The following CADPS variants were observed in gnomAD, a reference collection of about 807,000 sequenced individuals.
CADPS encodes the protein calcium-dependent secretion activator 1.
In CADPS, 57 loss-of-function variants were observed where a neutral mutation model predicts 167.3. The ratio of observed to expected loss-of-function variants is 0.34; its 90% CI spans 0.28 to 0.42. The LOEUF (loss-of-function observed/expected upper bound fraction) is 0.42, where lower values mean the gene tolerates loss of function less well. CADPS is among the 20% of genes least tolerant of loss of function. CADPS has a pLI of 1.00. For missense variants in CADPS, 1,414 were observed against 1,738.1 expected (o/e 0.81, Z 3.32); for synonymous variants, 676 against 635.3 (o/e 1.06, Z -0.96).
chr3:62,533,086 C>A (rs1421009366), intron 12 of CADPS, 28 bp from the exon 13 acceptor site: 2 of 1,592,012 alleles, frequency 1.3e-6, no homozygotes, highest in South Asian at 1.1e-5. Flanking sequence ...GAGAGACTTT[C>A]TTTTAAATAC....
intron 6 of CADPS, 22 bp downstream of exon 6, chr3:62,645,700 A>T (rs1176254299): frequency 6.2e-7 from 1 of 1,613,186 alleles, no homozygotes; most frequent in Admixed American, 1.7e-5. Flanking sequence ...TATAAGATGG[A>T]CCCTGGAGAA....
At chr3:62,735,882 G>T (rs1433637620) in intron 3 of CADPS, among the ~76,000 whole-genome samples, 1 of 152,166 alleles carries the variant, frequency 6.6e-6, no homozygotes, top group Non-Finnish European at 1.5e-5. Flanking sequence ...AGAACTACTA[G>T]CTCAGGCTTT....
intron 6 of CADPS, among the ~76,000 whole-genome samples, chr3:62,609,752 A>T (rs558823407): frequency 6.6e-6 from 1 of 152,322 alleles, no homozygotes; most frequent in East Asian, 1.9e-4. Flanking sequence ...ACTTTTATTA[A>T]CAATGTCCTA....
Position 62,691,560 on chromosome 3 carries a change from C to T in CADPS, c.889-29166G>A, listed in dbSNP as rs139050926. On this transcript the variant is annotated intron_variant, in intron 3 of 29. Transcript: ENST00000383710. ...AATGGTGCTTCCTTTCCTGGAGGTT[C>T]CTGAGTTAAAATAGTGAATAAAGAG... is the stretch of plus-strand genomic sequence containing the variant. Among the ~76,000 whole-genome samples the T allele has an allele frequency of 2.2e-3, 329 of 152,022 alleles. 1 individual carries two copies. The highest frequency in any genetic ancestry group is 3.1e-3 in the Non-Finnish European group (210 of 67,982).
chr3:62,588,450 A>G (rs1046939409), intron 7 of CADPS, among the ~76,000 whole-genome samples: 1 of 152,116 alleles, frequency 6.6e-6, no homozygotes, highest in Non-Finnish European at 1.5e-5. Flanking sequence ...TTGGACACAG[A>G]GGGCCTACAA....
At chr3:62,836,358 A>C (rs2075885600) in intron 1 of CADPS, among the ~76,000 whole-genome samples, 1 of 152,192 alleles carries the variant, frequency 6.6e-6, no homozygotes, top group South Asian at 2.1e-4. Context: ...CAACCAAGAC[A>C]GTGTCCCTGT....
intron 6 of CADPS, chr3:62,626,480 T>A: frequency 1.4e-6 from 1 of 702,132 alleles, no homozygotes; most frequent in Non-Finnish European, 2.6e-6. Context: ...CAAGCACAAA[T>A]CTTGTACCCC....
At chr3:62,613,604 T>G (rs1388818905) in intron 6 of CADPS, among the ~76,000 whole-genome samples, 1 of 152,176 alleles carries the variant, frequency 6.6e-6, no homozygotes, top group Non-Finnish European at 1.5e-5. Flanking sequence ...GAATGGTTAG[T>G]GTTTGGTGGA....
At chr3:62,629,317 T>C (rs1242183420) in intron 6 of CADPS, among the ~76,000 whole-genome samples, 1 of 152,160 alleles carries the variant, frequency 6.6e-6, no homozygotes, top group African/African-American at 2.4e-5. Context: ...CAACCACTAA[T>C]CTACTTTCTG....
chr3:62,661,935 G>A (rs2073323410), intron 4 of CADPS, among the ~76,000 whole-genome samples: 3 of 152,310 alleles, frequency 2.0e-5, no homozygotes, highest in Middle Eastern at 6.8e-3. Flanking sequence ...TATAGAACAA[G>A]AGAAGAGGAG....
In CADPS at chr3:62,481,765, G is replaced by A; in HGVS notation, c.3131C>T (p.Thr1044Ile). 1 of 1,609,478 alleles carries A rather than the reference G, an allele frequency of 6.2e-7. No individual in the cohort carries two copies. Among genetic ancestry groups the A allele is most frequent in the Non-Finnish European group, 8.5e-7 (1 of 1,178,478 alleles). Residue 1044 changes from threonine to isoleucine, a missense_variant, in exon 22 of 30, where the codon ACT becomes ATT. This residue lies in a region of CADPS where 529 missense variants were observed against 629.6 expected (regional missense o/e 0.84). Transcript: ENST00000383710. ...AGCCATCCATGACGGTGCCGAAAAA[G>A]TAGGCATTTGTGGGATGCCTAGAGG... ...NIPLGIPQMPTFSAPSWMAAI... is the reference protein window; with the variant it reads ...NIPLGIPQMPIFSAPSWMAAI...
intron 3 of CADPS, among the ~76,000 whole-genome samples, chr3:62,720,341 G>GTTT (rs754850648): frequency 6.8e-6 from 1 of 146,418 alleles, no homozygotes; most frequent in African/African-American, 2.5e-5. Flanking sequence ...TTGTTTGTTT[G>GTTT]TTTTTTTTTG....
At chr3:62,859,521 G>C (rs950825050) in intron 1 of CADPS, among the ~76,000 whole-genome samples, 1 of 152,122 alleles carries the variant, frequency 6.6e-6, no homozygotes, top group African/African-American at 2.4e-5. Context: ...TGCTGCTTCG[G>C]GGGGAGACGT....
chr3:62,564,130 T>C (rs989475094), intron 9 of CADPS, among the ~76,000 whole-genome samples: 1 of 151,978 alleles, frequency 6.6e-6, no homozygotes, highest in Admixed American at 6.6e-5. Context: ...GCCTCCCAAG[T>C]AGCTGGGACT....
At chr3:62,799,453 C>G (rs1324118253) in intron 1 of CADPS, among the ~76,000 whole-genome samples, 1 of 152,126 alleles carries the variant, frequency 6.6e-6, no homozygotes, top group Non-Finnish European at 1.5e-5. Context: ...ATTATACCTT[C>G]ACAGACTGAT....
At chr3:62,776,416 G>A (rs62242365) in intron 1 of CADPS, among the ~76,000 whole-genome samples, 84,022 of 151,646 alleles carry the variant, frequency 0.55, 25,859 homozygotes, top group East Asian at 0.86. Context: ...GCACTTCGGC[G>A]GGCCGAAGCA....
In CADPS at chr3:62,458,551, C is replaced by T. The variant is rs752027831; in HGVS notation, c.3636+6816G>A. On this transcript the variant is annotated intron_variant, in intron 26 of 29. Transcript: ENST00000383710. This position sits in a 1 kb window ranked among gnomAD's most constrained non-coding sequence, Gnocchi z 4.6. Reference sequence around the variant, plus strand: ...TCACCCAGGCTGGAGTGAAGTGGCACGATTTCAGCTCACTACAACCTCCGC... The same window carrying T: ...TCACCCAGGCTGGAGTGAAGTGGCATGATTTCAGCTCACTACAACCTCCGC... Among the ~76,000 whole-genome samples, 2 of 152,146 alleles carry T rather than the reference C, an allele frequency of 1.3e-5. No homozygotes were observed. Among genetic ancestry groups the T allele is most frequent in the African/African-American group, 2.4e-5 (1 of 41,502 alleles).
At chr3:62,845,311 T>A (rs1210603462) in intron 1 of CADPS, among the ~76,000 whole-genome samples, 1 of 152,168 alleles carries the variant, frequency 6.6e-6, no homozygotes, top group Non-Finnish European at 1.5e-5. Flanking sequence ...CAGATAGAAG[T>A]GTTAAGGTGT....
chr3:62,648,249 G>A (rs7612714), intron 5 of CADPS, among the ~76,000 whole-genome samples: 148,311 of 152,284 alleles, frequency 0.97, 72,329 homozygotes, highest in Middle Eastern at 1. Flanking sequence ...AGTATTTGGG[G>A]ATCCTAGGAC....
Sources: gnomAD v4.1 joint callset for allele counts (sites outside exome capture counted in the v4.1 genomes callset) on GRCh38, gnomAD v4.1.1 for gene constraint, gnomAD v4.1.1 regional missense constraint, Gnocchi (gnomAD v3.1) non-coding constraint, MANE v1.5 for transcripts, NCBI Gene and HGNC (gene_info 2026-07-23, HGNC 2026-07-21) for gene names.